The following CR1 variants were observed in gnomAD, a reference collection of about 807,000 sequenced individuals.
CR1 encodes the protein complement receptor type 1.
Under a neutral mutation model 187.3 loss-of-function variants are expected in CR1, and 116 were observed. The observed-to-expected ratio is 0.62, with a 90% CI of 0.53 to 0.72. The LOEUF (loss-of-function observed/expected upper bound fraction) is 0.72, where lower values mean the gene tolerates loss of function less well. Ranked by LOEUF, CR1 falls within the 30% of genes least tolerant of loss-of-function variation. The probability of loss-of-function intolerance (pLI) is 0.00; values close to 1 mark genes in which losing one functional copy is unlikely to be tolerated. For missense variants in CR1, 1,731 were observed against 2,110.7 expected, an observed-to-expected ratio of 0.82 and a Z score of 3.52; for synonymous variants, 576 against 747.1, an observed-to-expected ratio of 0.77 and a Z score of 3.73.
At chr1:207,621,689 G>A (rs1272469527) in intron 43 of CR1, among the ~76,000 whole-genome samples, 1 of 152,132 alleles carries the variant, frequency 6.6e-6, no homozygotes, top group Non-Finnish European at 1.5e-5. Context: ...AGAACAGAAT[G>A]TATCAAAACA....
At chr1:207,628,835 C>T (rs1311492496) in intron 45 of CR1, among the ~76,000 whole-genome samples, 1 of 152,052 alleles carries the variant, frequency 6.6e-6, no homozygotes, top group Non-Finnish European at 1.5e-5. Flanking sequence ...TTCTAGAGAA[C>T]CGTATGCAAT....
chr1:207,623,628 A>G (rs1662388246), intron 45 of CR1, among the ~76,000 whole-genome samples: 1 of 98,750 alleles, frequency 1.0e-5, no homozygotes, highest in Non-Finnish European at 2.3e-5. Context: ...ACACACACAC[A>G]CACACACACA....
At chr1:207,514,925 T>G (rs1442505829) in intron 4 of CR1, among the ~76,000 whole-genome samples, 1 of 144,202 alleles carries the variant, frequency 6.9e-6, no homozygotes, top group Non-Finnish European at 1.5e-5. Context: ...TCTTGGGAAG[T>G]TTTTTTTTTT....
Position 207,580,313 on chromosome 1 carries a change from G to T in CR1, c.5010G>T (p.Gln1670His). Residue 1670 changes from glutamine (Q) to histidine (H), a missense_variant, in exon 30 of 47, where the codon CAG becomes CAT. This residue lies in a region of CR1 where 1,312 missense variants were observed against 1,379.6 expected (regional missense o/e 0.95). Coordinates refer to ENST00000367049, the MANE Select transcript of CR1 (RefSeq NM_000651.6). ...PSHQDNFSPG[Q>H]EVFYSCEPGY... ...ATCAGGACAACTTTTCACCTGGGCA[G>T]GAAGTGTTCTACAGCTGTGAGCCTG... 1 of 1,613,860 alleles carries T rather than the reference G, an allele frequency of 6.2e-7. No individual in the cohort carries two copies. The highest frequency in any genetic ancestry group is 8.5e-7 in the Non-Finnish European group (1 of 1,179,852).
rs1425702067 is a variant in CR1 at position 207,526,764 on chromosome 1, C to T, written c.898C>T (p.Pro300Ser). Reference protein sequence around the residue: ...LPSCSRVCQPPPDVLHAERTQ... With the variant: ...LPSCSRVCQPSPDVLHAERTQ... ...TTCTCTCTCCCCAGTATGTCAGCCA[C>T]CTCCAGATGTCCTGCATGCTGAGCG... The change falls in exon 6 of 47, where the codon CCT (proline) becomes TCT (serine). Residue 300 changes from proline (P) to serine (S), a missense_variant. By Grantham distance (74) the Pro-to-Ser change is moderately conservative. This residue lies in a region of CR1 where 131 missense variants were observed against 196.8 expected (regional missense o/e 0.67). Transcript: ENST00000367049. 2 of 1,521,520 alleles carry T rather than the reference C, an allele frequency of 1.3e-6. No homozygotes were observed. Among genetic ancestry groups the T allele is most frequent in the Non-Finnish European group, 1.7e-6 (2 of 1,145,668 alleles). The allele number at this position is 1,521,520 out of a possible 1,614,324, so 94.3% of individuals were successfully genotyped here.
At chr1:207,581,376 GTATACATATGTATA>G (rs1161022736) in intron 31 of CR1, among the ~76,000 whole-genome samples, 3 of 132,572 alleles carry the variant, frequency 2.3e-5, no homozygotes, top group Non-Finnish European at 4.5e-5. Flanking sequence ...ATACGTATAT[GTATACATATGTATA>G]TATACATATG....
At chr1:207,544,766 G>T (rs1336187929) in intron 13 of CR1, among the ~76,000 whole-genome samples, 1 of 147,454 alleles carries the variant, frequency 6.8e-6, no homozygotes, top group East Asian at 2.0e-4. Context: ...GAGACCCATA[G>T]TTCTTTACCA....
In CR1 at chr1:207,609,522, T is replaced by C. The variant is rs1361191460; in HGVS notation, c.6129T>C (p.Ala2043=). ...GTATTTCTACTAATAAATGCACAGCTCCAGAAGTTGAAAATGCAATTAGAG... is the reference window on the plus strand; with the variant it reads ...GTATTTCTACTAATAAATGCACAGCCCCAGAAGTTGAAAATGCAATTAGAG... ...PRCISTNKCT[A]PEVENAIRVP... is the part of the protein sequence containing the mutation. Residue 2043 remains alanine (A), a synonymous_variant, in exon 37 of 47, where the codon GCT becomes GCC. Coordinates refer to ENST00000367049, the MANE Select transcript of CR1 (RefSeq NM_000651.6). 2 of 1,613,950 alleles carry C rather than the reference T, an allele frequency of 1.2e-6. No homozygotes were observed. Among genetic ancestry groups the C allele is most frequent in the South Asian group, 2.2e-5 (2 of 91,068 alleles).
chr1:207,564,245 G>A lies in CR1; in HGVS notation c.3866+11G>A. The A allele has an allele frequency of 3.3e-6, 5 of 1,501,898 alleles. No individual in the cohort carries two copies. Among genetic ancestry groups the A allele is most frequent in the East Asian group, 2.3e-5 (1 of 44,072 alleles). 93.0% of individuals were successfully genotyped at this position (1,501,898 alleles called of 1,614,324 possible). On this transcript the variant is annotated intron_variant, in intron 23 of 46. Coordinates refer to ENST00000367049, the MANE Select transcript of CR1 (RefSeq NM_000651.6). ...TGTTTGTGATGAAGGGTGAGTATGA[G>A]CTTGCCTGACCTGCTGGACATTGAA...
intron 4 of CR1, among the ~76,000 whole-genome samples, chr1:207,517,458 T>C (rs144047769): frequency 0.013 from 1,927 of 152,246 alleles, 19 homozygotes; most frequent in Middle Eastern, 0.027. Flanking sequence ...TCTCAAGAGA[T>C]CTTGGGTTAT....
At chr1:207,629,725 A>G (rs979197373) in intron 45 of CR1, among the ~76,000 whole-genome samples, 1 of 152,222 alleles carries the variant, frequency 6.6e-6, no homozygotes, top group African/African-American at 2.4e-5. Flanking sequence ...GTACTGTTTT[A>G]TCATTTCATT....
At chr1:207,620,166 T>C (rs926831918) in intron 43 of CR1, 101 bp downstream of exon 43, 6 of 1,199,142 alleles carry the variant, frequency 5.0e-6, no homozygotes, top group Non-Finnish European at 7.0e-6. Flanking sequence ...TTATGGCATA[T>C]GCTATGAGCT....
At chr1:207,594,989 CAT>C (rs1399183259) in intron 35 of CR1, among the ~76,000 whole-genome samples, 1 of 152,124 alleles carries the variant, frequency 6.6e-6, no homozygotes, top group African/African-American at 2.4e-5. Context: ...AAAAATCTCT[CAT>C]ATGTGTTTGT....
chr1:207,575,986 C>T (rs2102335870), intron 28 of CR1, among the ~76,000 whole-genome samples: 1 of 152,224 alleles, frequency 6.6e-6, no homozygotes. Context: ...TTAGTGAAGT[C>T]AACAAATACA....
rs771849735 is a variant in CR1 at position 207,587,430 on chromosome 1, A to G, written c.5575A>G (p.Ile1859Val). 3 of 1,613,946 alleles carry G rather than the reference A, an allele frequency of 1.9e-6. No individual in the cohort carries two copies. In the South Asian group the frequency reaches 3.3e-5, roughly 18 times the overall value. The change falls in exon 34 of 47, where the codon ATC (isoleucine) becomes GTC (valine). Residue 1859 changes from isoleucine to valine, a missense_variant. Transcript: ENST00000367049. ...PEQFPFASPT[I>V]PINDFEFPVG... Reference sequence around the variant, plus strand: ...GCAGTTTCCATTTGCCAGTCCTACGATCCCAATTAATGACTTTGAGTTTCC... The same window carrying G: ...GCAGTTTCCATTTGCCAGTCCTACGGTCCCAATTAATGACTTTGAGTTTCC...
chr1:207,497,694 T>C (rs1207997305), intron 1 of CR1, among the ~76,000 whole-genome samples: 1 of 152,196 alleles, frequency 6.6e-6, no homozygotes, highest in Admixed American at 6.5e-5. Context: ...GGAATTTGTG[T>C]CATCTTTGGG....
At chr1:207,505,107 C>A (rs1358805287) in intron 1 of CR1, among the ~76,000 whole-genome samples, 1 of 152,170 alleles carries the variant, frequency 6.6e-6, no homozygotes, top group Non-Finnish European at 1.5e-5. Flanking sequence ...CAAAACCAGT[C>A]CCAGGTGCTA....
chr1:207,592,793 C>A (rs1037737592), intron 35 of CR1, among the ~76,000 whole-genome samples: 2 of 152,042 alleles, frequency 1.3e-5, no homozygotes, highest in African/African-American at 4.8e-5. Context: ...TTCCTATACA[C>A]CAATAATAGA....
At chr1:207,636,433 A>C (rs1662815444) in intron 46 of CR1, among the ~76,000 whole-genome samples, 1 of 137,212 alleles carries the variant, frequency 7.3e-6, no homozygotes, top group Admixed American at 6.8e-5. Flanking sequence ...CTCATTATAA[A>C]CTTGGGGTGT....
Sources: allele counts gnomAD v4.1 joint callset (sites outside exome capture counted in the v4.1 genomes callset), GRCh38; gene constraint gnomAD v4.1.1; regional missense constraint gnomAD v4.1.1; transcripts MANE v1.5; gene names NCBI Gene and HGNC (gene_info 2026-07-23, HGNC 2026-07-21).